Variants in DGKB observed in about 807,000 individuals in gnomAD.
DGKB encodes the protein diacylglycerol kinase beta.
A neutral mutation model predicts 114.3 loss-of-function variants in DGKB; 67 were observed. The ratio of observed to expected loss-of-function variants is 0.59; its 90% CI spans 0.48 to 0.72. DGKB has a LOEUF of 0.72. DGKB is among the 30% of genes least tolerant of loss of function. The pLI is 0.00. For missense variants in DGKB, 907 were observed against 975.2 expected (o/e 0.93, Z 0.93); for synonymous variants, 398 against 323.1 (o/e 1.23, Z -2.49).
chr7:14,462,360 T>A (rs1019056525), intron 21 of DGKB, among the ~76,000 whole-genome samples: 6 of 152,122 alleles, frequency 3.9e-5, no homozygotes, highest in African/African-American at 1.2e-4. Flanking sequence ...GAAAACCCCA[T>A]CATCTCAGCC....
At chr7:14,803,173 C>G (rs1390998237) in intron 2 of DGKB, among the ~76,000 whole-genome samples, 1 of 151,868 alleles carries the variant, frequency 6.6e-6, no homozygotes, top group African/African-American at 2.4e-5. Flanking sequence ...AACTCCTGGC[C>G]TCAAGCGATC....
chr7:14,313,743 A>G (rs974294721), intron 23 of DGKB, among the ~76,000 whole-genome samples: 3 of 152,166 alleles, frequency 2.0e-5, no homozygotes, highest in African/African-American at 4.8e-5. Flanking sequence ...TTAGGTAAAC[A>G]AAGCAGCCTG....
intron 6 of DGKB, among the ~76,000 whole-genome samples, chr7:14,707,361 G>C (rs1826476863): frequency 6.7e-6 from 1 of 149,814 alleles, no homozygotes; most frequent in Non-Finnish European, 1.5e-5. Context: ...GGGCCAGATG[G>C]ATTCACAGCC....
intron 1 of DGKB, among the ~76,000 whole-genome samples, chr7:14,888,446 G>T (rs1344144393): frequency 6.6e-6 from 1 of 151,622 alleles, no homozygotes; most frequent in African/African-American, 2.4e-5. Flanking sequence ...TTTCCTCTTT[G>T]TGTGAATAAG....
chr7:14,773,459 G>A (rs933825319), intron 2 of DGKB, among the ~76,000 whole-genome samples: 5 of 152,012 alleles, frequency 3.3e-5, no homozygotes, highest in Admixed American at 3.3e-4. Flanking sequence ...GAACTAAAAG[G>A]TACAGAGTCA....
At position 14,798,028 on chromosome 7, in the gene DGKB, C is replaced by T. The variant is rs896217864; in HGVS notation, c.71-40297G>A. On this transcript the variant is annotated intron_variant, in intron 2 of 25. Coordinates refer to ENST00000402815, the MANE Select transcript of DGKB (RefSeq NM_001350709.2). ...GAAATCAGGTTGCTGTCTGTGAGGCCGAGTCCACAGTTAAATGGGCTTAGA... is the reference window on the plus strand; with the variant it reads ...GAAATCAGGTTGCTGTCTGTGAGGCTGAGTCCACAGTTAAATGGGCTTAGA... Among the ~76,000 whole-genome samples, 4 of 152,030 alleles carry T rather than the reference C, an allele frequency of 2.6e-5. No homozygotes were observed. The East Asian group carries it at 5.8e-4, about 22-fold the overall frequency.
At chr7:14,435,872 T>C (rs1473213713) in intron 21 of DGKB, among the ~76,000 whole-genome samples, 1 of 152,140 alleles carries the variant, frequency 6.6e-6, no homozygotes, top group Admixed American at 6.6e-5. Flanking sequence ...CCAACAACTG[T>C]CTATAACTTG....
At position 14,734,835 on chromosome 7, in the gene DGKB, G is replaced by A. The variant is rs142283599; in HGVS notation, c.322+1206C>T. On this transcript the variant is annotated intron_variant, in intron 5 of 25. Coordinates refer to ENST00000402815, the MANE Select transcript of DGKB (RefSeq NM_001350709.2). ...TCTTCAATTTTTAAGAGTTCACAGA[G>A]TCCTGTGATCAAAGAGTGAGAAACA... Among the ~76,000 whole-genome samples the A allele has an allele frequency of 1.9e-3, 286 of 152,248 alleles. 1 individual carries two copies. The highest frequency in any genetic ancestry group is 6.8e-3 in the South Asian group (33 of 4,818).
At chr7:14,530,978 CATG>C (rs1029089326) in intron 20 of DGKB, among the ~76,000 whole-genome samples, 31 of 151,184 alleles carry the variant, frequency 2.1e-4, no homozygotes, top group Admixed American at 1.4e-3. Flanking sequence ...TATGAAATAC[CATG>C]ATAACTTTAG....
chr7:14,207,743 C>A (rs1253837328), intron 23 of DGKB, among the ~76,000 whole-genome samples: 1 of 151,982 alleles, frequency 6.6e-6, no homozygotes, highest in East Asian at 1.9e-4. Flanking sequence ...CTTAAGGTGG[C>A]AACCTTTTTT....
intron 25 of DGKB, among the ~76,000 whole-genome samples, chr7:14,153,284 A>C (rs1338900385): frequency 6.6e-6 from 1 of 152,118 alleles, no homozygotes; most frequent in Non-Finnish European, 1.5e-5. Flanking sequence ...TTATCTGAAC[A>C]ACCGCTCGAC....
chr7:14,490,169 T>A lies in DGKB; in HGVS notation c.1771-11944A>T, dbSNP rs1227683003. 4.6e-5 allele frequency among the ~76,000 whole-genome samples: 7 copies of A among 152,232 alleles called. No homozygotes were observed. The East Asian group carries it at 1.2e-3, about 25-fold the overall frequency. ...AAAGCTGAAACTTAATTGGTTTACA[T>A]AACTCAGCAAAAATCAAGTTAAGGT... On this transcript the variant is annotated intron_variant, in intron 20 of 25. Coordinates refer to ENST00000402815, the MANE Select transcript of DGKB (RefSeq NM_001350709.2).
intron 14 of DGKB, among the ~76,000 whole-genome samples, chr7:14,621,739 G>T (rs1398261453): frequency 6.6e-6 from 1 of 151,974 alleles, no homozygotes; most frequent in Non-Finnish European, 1.5e-5. Context: ...TTATCCCTAT[G>T]TGCCCAATTA....
chr7:14,717,096 G>A (rs1420581617), intron 6 of DGKB, among the ~76,000 whole-genome samples: 3 of 152,106 alleles, frequency 2.0e-5, no homozygotes. Flanking sequence ...ATAGTGTGGT[G>A]AGTCAACATT....
chr7:14,418,344 CAT>C (rs1365589106), intron 21 of DGKB, among the ~76,000 whole-genome samples: 41 of 130,868 alleles, frequency 3.1e-4, no homozygotes, highest in South Asian at 1.4e-3. Flanking sequence ...TATACACACA[CAT>C]ATATTCACAT....
At chr7:14,857,681 A>G (rs1180677398) in intron 1 of DGKB, among the ~76,000 whole-genome samples, 2 of 152,060 alleles carry the variant, frequency 1.3e-5, no homozygotes, top group African/African-American at 2.4e-5. Context: ...GCCTATTTAT[A>G]TCATTTTTCC....
chr7:14,190,202 G>T (rs1784099314), intron 23 of DGKB, among the ~76,000 whole-genome samples: 1 of 152,126 alleles, frequency 6.6e-6, no homozygotes, highest in Non-Finnish European at 1.5e-5. Flanking sequence ...ATCTTTTCGG[G>T]CCATTATGGT....
At chr7:14,533,694 A>G (rs1410610038) in intron 20 of DGKB, among the ~76,000 whole-genome samples, 1 of 151,926 alleles carries the variant, frequency 6.6e-6, no homozygotes, top group Non-Finnish European at 1.5e-5. Context: ...CATCACAGAA[A>G]AAAGGCAACA....
chr7:14,925,355 A>G (rs1193924062), intron 1 of DGKB, among the ~76,000 whole-genome samples: 2 of 152,148 alleles, frequency 1.3e-5, no homozygotes, highest in East Asian at 1.9e-4. Context: ...ATATCTGTTC[A>G]TGTATTTTGC....
Sources: allele counts gnomAD v4.1 joint callset (sites outside exome capture counted in the v4.1 genomes callset), GRCh38; gene constraint gnomAD v4.1.1; transcripts MANE v1.5; gene names NCBI Gene and HGNC (gene_info 2026-07-23, HGNC 2026-07-21).